PHKA1: variants seen among roughly 807,000 people sequenced by gnomAD.
PHKA1 encodes the protein phosphorylase kinase regulatory subunit alpha 1, also known as phosphorylase b kinase regulatory subunit alpha, skeletal muscle isoform.
Under a neutral mutation model 110.2 loss-of-function variants are expected in PHKA1, and 60 were observed. That is an observed-to-expected ratio of 0.54 (90% CI 0.44 to 0.68). PHKA1 has a LOEUF of 0.68. Ranked by LOEUF, PHKA1 falls within the 30% of genes least tolerant of loss-of-function variation. PHKA1 has a pLI of 0.00. For synonymous variants in PHKA1, 316 were observed against 333.6 expected, an observed-to-expected ratio of 0.95 and a Z score of 0.58; for missense variants, 801 against 942.5, an observed-to-expected ratio of 0.85 and a Z score of 1.97.
Position 72,653,494 on chromosome X carries a change from T to C in PHKA1, c.1078A>G (p.Ile360Val), listed in dbSNP as rs2043020229. The C allele has an allele frequency of 8.3e-7, 1 of 1,201,855 alleles. No individual in the cohort carries two copies. Among genetic ancestry groups the C allele is most frequent in the African/African-American group, 1.8e-5 (1 of 56,758 alleles). ...EYKEALEAVL[I>V]KGKNGVPLLP... is the part of the protein sequence containing the mutation. ...AGTGGGACTCCATTTTTGCCCTTGA[T>C]GAGGACTGCTTCAAGAGCCTCTTTA... The change falls in exon 11 of 32, where the codon ATC (isoleucine) becomes GTC (valine). Residue 360 changes from isoleucine (I) to valine (V), a missense_variant. Ile to Val is a conservative substitution (Grantham distance 29). This residue lies in a region of PHKA1 where 299 missense variants were observed against 423.3 expected (regional missense o/e 0.71). Coordinates refer to ENST00000373542, the MANE Select transcript of PHKA1 (RefSeq NM_002637.4).
At chrX:72,676,258 G>T in intron 5 of PHKA1, 108 bp from the exon 6 acceptor site, 1 of 503,292 alleles carries the variant, frequency 2.0e-6, no homozygotes, top group Admixed American at 2.9e-5. Flanking sequence ...TAACTAATTT[G>T]CCATATATAT....
rs1439099560 is a variant in PHKA1, at chrX:72,713,669, G to GTC, written c.78+132_78+133dup. The GTC allele has an allele frequency of 1.3e-3, 325 of 253,451 alleles. No individual in the cohort carries two copies. In the East Asian group the frequency reaches 0.014, roughly 11 times the overall value. 20.9% of individuals were successfully genotyped at this position (253,451 alleles called of 1,213,427 possible). On this transcript the variant is annotated intron_variant, in intron 1 of 31. Coordinates refer to ENST00000373542, the MANE Select transcript of PHKA1 (RefSeq NM_002637.4). ...CACGCGGAGTTCATGCAAGGTCTCC[G>GTC]TCACACACACACACACACACACACA...
At chrX:72,703,587 G>T (rs1319640759) in intron 3 of PHKA1, among the ~76,000 whole-genome samples, 1 of 111,345 alleles carries the variant, frequency 9.0e-6, no homozygotes, top group Non-Finnish European at 1.9e-5. Flanking sequence ...AGGCTGAGGT[G>T]GGGGGATCAC....
chrX:72,677,833 CT>C (rs2147795968), intron 5 of PHKA1, among the ~76,000 whole-genome samples: 1 of 110,795 alleles, frequency 9.0e-6, no homozygotes, highest in South Asian at 3.9e-4. Flanking sequence ...GGGAGGATCA[CT>C]TGAGCCCAGG....
intron 8 of PHKA1, among the ~76,000 whole-genome samples, chrX:72,662,641 A>G (rs186305090): frequency 5.4e-5 from 6 of 111,747 alleles, no homozygotes; most frequent in African/African-American, 1.6e-4. Flanking sequence ...CCTTGGCTAG[A>G]AAAACAGTCT....
intron 5 of PHKA1, among the ~76,000 whole-genome samples, chrX:72,681,173 C>T (rs1262044372): frequency 4.1e-5 from 4 of 98,044 alleles, no homozygotes; most frequent in Admixed American, 1.1e-4. Context: ...GCCTCTGCCC[C>T]GCCGCCCCAT....
intron 17 of PHKA1, among the ~76,000 whole-genome samples, chrX:72,626,286 A>C (rs1556282829): frequency 9.0e-6 from 1 of 110,505 alleles, no homozygotes; most frequent in African/African-American, 3.3e-5. Flanking sequence ...ATGGGTGTTC[A>C]GTAGTATTCT....
chrX:72,625,985 A>G (rs190535431), intron 17 of PHKA1, among the ~76,000 whole-genome samples: 22 of 111,434 alleles, frequency 2.0e-4, no homozygotes, highest in Non-Finnish European at 1.9e-4. Flanking sequence ...TCCTAGACAA[A>G]ACAAAGAAAA....
intron 6 of PHKA1, among the ~76,000 whole-genome samples, chrX:72,672,615 G>A (rs193297209): frequency 3.6e-5 from 4 of 111,776 alleles, no homozygotes; most frequent in Non-Finnish European, 5.6e-5. Flanking sequence ...ATCCAGTCAC[G>A]GCTTAAAGGC....
chrX:72,621,229 T>C (rs1156814099), intron 18 of PHKA1, among the ~76,000 whole-genome samples: 1 of 111,616 alleles, frequency 9.0e-6, no homozygotes, highest in Non-Finnish European at 1.9e-5. Context: ...GTGATAGTAA[T>C]GGTGGCAGGG....
In PHKA1 at chrX:72,605,328, T is replaced by C; in HGVS notation, c.2758A>G (p.Ile920Val). The C allele has an allele frequency of 1.7e-6, 2 of 1,205,169 alleles. No homozygotes were observed. The highest frequency in any genetic ancestry group is 2.2e-6 in the Non-Finnish European group (2 of 889,558). ...GCCATAACTTGTATGATCAGACCAA[T>C]TCGAAGTCGAAACATTTCAGCAAAG... ...GLFAEMFRLR[I>V]GLIIQVMATE... is the part of the protein sequence containing the mutation. Residue 920 changes from isoleucine (I) to valine (V), a missense_variant, in exon 25 of 32, where the codon ATT (isoleucine) becomes GTT (valine). Transcript: ENST00000373542.
At chrX:72,638,427 T>C (rs2147738227) in intron 14 of PHKA1, among the ~76,000 whole-genome samples, 1 of 110,118 alleles carries the variant, frequency 9.1e-6, no homozygotes, top group South Asian at 3.9e-4. Flanking sequence ...TCTGTTTTAT[T>C]TTTTTCTTTT....
intron 8 of PHKA1, among the ~76,000 whole-genome samples, chrX:72,658,026 CAT>C (rs2053516822): frequency 8.9e-6 from 1 of 112,081 alleles, no homozygotes; most frequent in South Asian, 3.8e-4. Context: ...TAAAAAAACA[CAT>C]ATTTTTTACA....
intron 28 of PHKA1, among the ~76,000 whole-genome samples, chrX:72,596,251 T>C (rs1052199659): frequency 1.8e-5 from 2 of 111,435 alleles, no homozygotes; most frequent in African/African-American, 6.5e-5. Context: ...ACAGCCAAAC[T>C]CATAGAAGCA....
intron 4 of PHKA1, among the ~76,000 whole-genome samples, chrX:72,693,227 C>T (rs2054062832): frequency 9.0e-6 from 1 of 111,606 alleles, no homozygotes; most frequent in Admixed American, 9.5e-5. Flanking sequence ...TTATGGTATA[C>T]CATATAATCT....
intron 29 of PHKA1, among the ~76,000 whole-genome samples, chrX:72,585,314 C>G (rs2052407706): frequency 9.0e-6 from 1 of 111,572 alleles, no homozygotes; most frequent in Non-Finnish European, 1.9e-5. Context: ...AAAATGTATG[C>G]TTTTCACAAA....
intron 5 of PHKA1, among the ~76,000 whole-genome samples, chrX:72,676,436 G>A (rs1945765959): frequency 1.8e-5 from 2 of 111,541 alleles, no homozygotes; most frequent in Non-Finnish European, 3.8e-5. Flanking sequence ...CTGGAGAGGT[G>A]TTTCTCAAAA....
At chrX:72,701,993 G>C (rs1556329821) in intron 3 of PHKA1, among the ~76,000 whole-genome samples, 1 of 111,289 alleles carries the variant, frequency 9.0e-6, no homozygotes, top group East Asian at 2.8e-4. Flanking sequence ...CAGTTTGGAT[G>C]GAATTCTAAT....
At chrX:72,617,851 A>T (rs906010758) in intron 21 of PHKA1, among the ~76,000 whole-genome samples, 7 of 110,757 alleles carry the variant, frequency 6.3e-5, no homozygotes, top group African/African-American at 2.0e-4. Flanking sequence ...ATAAAAAAAA[A>T]AAAGGAAAAG....
Sources: gnomAD v4.1 joint callset for allele counts (sites outside exome capture counted in the v4.1 genomes callset) on GRCh38, gnomAD v4.1.1 for gene constraint, gnomAD v4.1.1 regional missense constraint, MANE v1.5 for transcripts, NCBI Gene and HGNC (gene_info 2026-07-23, HGNC 2026-07-21) for gene names.